VWA8: variants seen among roughly 807,000 people sequenced by gnomAD.
The protein encoded by VWA8 is von Willebrand factor A domain-containing protein 8.
In VWA8, 221 loss-of-function variants were observed where a neutral mutation model predicts 241.5. The ratio of observed to expected loss-of-function variants is 0.91; its 90% CI spans 0.82 to 1.02. The LOEUF (loss-of-function observed/expected upper bound fraction) is 1.02, where lower values mean the gene tolerates loss of function less well. VWA8 is among the 50% of genes least tolerant of loss of function. The pLI, the probability that VWA8 is intolerant of heterozygous loss-of-function variation, is 0.00. For missense variants in VWA8, 2,322 were observed against 2,328.7 expected, an observed-to-expected ratio of 1.00 and a Z score of 0.06; for synonymous variants, 852 against 827.1, an observed-to-expected ratio of 1.03 and a Z score of -0.52.
intron 26 of VWA8, among the ~76,000 whole-genome samples, chr13:41,709,966 G>A (rs1423046003): frequency 1.3e-5 from 2 of 151,896 alleles, no homozygotes; most frequent in Admixed American, 1.3e-4. Context: ...TCTTTCACTT[G>A]ACAGCTTTCC....
intron 42 of VWA8, 87 bp from the exon 43 acceptor site, chr13:41,575,925 T>A: frequency 3.0e-6 from 3 of 991,462 alleles, no homozygotes; most frequent in Non-Finnish European, 4.6e-6. Context: ...TTTGGACCAT[T>A]ATTGTCCAAA....
chr13:41,881,372 C>CCG lies in VWA8; in HGVS notation c.1080+2014_1080+2015insCG, dbSNP rs1491423444. ...CTAGAACATCATAGTTTTTTTTTGC[C>CCG]GGGGGGGGGGGGGGGGGGGTAAGGT... is the stretch of plus-strand genomic sequence containing the variant. On this transcript the variant is annotated intron_variant, in intron 9 of 44. Transcript: ENST00000379310. Among the ~76,000 whole-genome samples, 34 of 8,296 alleles carry CCG rather than the reference C, an allele frequency of 4.1e-3. 12 individuals carry two copies. The highest frequency in any genetic ancestry group is 0.018 in the South Asian group (3 of 164). 5.4% of individuals were successfully genotyped at this position (8,296 alleles called of 152,430 possible).
At chr13:41,932,813 AC>A (rs142070565) in intron 2 of VWA8, among the ~76,000 whole-genome samples, 2,907 of 152,062 alleles carry the variant, frequency 0.019, 87 homozygotes, top group African/African-American at 0.06. Flanking sequence ...ATAGAAAAAA[AC>A]GTCCTTAACT....
intron 37 of VWA8, among the ~76,000 whole-genome samples, chr13:41,619,402 A>G (rs537036318): frequency 7.4e-4 from 113 of 152,362 alleles, no homozygotes; most frequent in Middle Eastern, 3.4e-3. Context: ...ATGTACAATC[A>G]TGTCATCTGC....
intron 12 of VWA8, chr13:41,865,160 G>A: frequency 4.9e-6 from 1 of 204,500 alleles, no homozygotes; most frequent in Non-Finnish European, 1.0e-5. Flanking sequence ...GTGGGGACAT[G>A]CACATAAAAT....
intron 43 of VWA8, among the ~76,000 whole-genome samples, chr13:41,575,323 C>T (rs188350391): frequency 1.3e-5 from 2 of 151,590 alleles, no homozygotes; most frequent in East Asian, 2.0e-4. Flanking sequence ...GTATACTGCT[C>T]GGGTGATGGG....
intron 36 of VWA8, among the ~76,000 whole-genome samples, chr13:41,672,390 T>G (rs773894033): frequency 1.3e-5 from 2 of 152,198 alleles, no homozygotes; most frequent in Non-Finnish European, 2.9e-5. Flanking sequence ...AGTATAGCTC[T>G]TATTATACAA....
At chr13:41,873,409 A>AG (rs1228230691) in intron 9 of VWA8, among the ~76,000 whole-genome samples, 1 of 152,202 alleles carries the variant, frequency 6.6e-6, no homozygotes, top group Non-Finnish European at 1.5e-5. Context: ...GTTTTTTGAA[A>AG]GGATCAACAA....
chr13:41,731,467 G>T (rs368667413), intron 22 of VWA8, among the ~76,000 whole-genome samples: 1 of 152,062 alleles, frequency 6.6e-6, no homozygotes, highest in South Asian at 2.1e-4. Context: ...ATCTGGAATA[G>T]AAATCAATAG....
chr13:41,625,849 T>C (rs2044686598), intron 37 of VWA8, among the ~76,000 whole-genome samples: 1 of 151,630 alleles, frequency 6.6e-6, no homozygotes, highest in Non-Finnish European at 1.5e-5. Context: ...CCAACAATGA[T>C]AGACTGGATT....
chr13:41,870,966 AG>A (rs1333684920), intron 9 of VWA8, among the ~76,000 whole-genome samples: 1 of 152,210 alleles, frequency 6.6e-6, no homozygotes, highest in Admixed American at 6.5e-5. Context: ...ATTGTTACTC[AG>A]AAAGGTATTA....
At chr13:41,614,931 G>A in intron 38 of VWA8, 45 bp downstream of exon 38, 4 of 1,602,314 alleles carry the variant, frequency 2.5e-6, no homozygotes, top group Non-Finnish European at 3.4e-6. Context: ...ATGGGCTTGG[G>A]AAACCTGGGG....
intron 43 of VWA8, 81 bp downstream of exon 43, chr13:41,575,659 C>T: frequency 1.0e-6 from 1 of 996,250 alleles, no homozygotes. Flanking sequence ...TGTGTATCTG[C>T]TGCTGCTTCA....
chr13:41,718,330 T>G (rs1001017538), intron 26 of VWA8, among the ~76,000 whole-genome samples: 1 of 151,940 alleles, frequency 6.6e-6, no homozygotes, highest in Admixed American at 6.6e-5. Context: ...GAGGATCTCT[T>G]GAACTCTCTT....
At chr13:41,583,368 G>A (rs2044395698) in intron 42 of VWA8, among the ~76,000 whole-genome samples, 1 of 152,168 alleles carries the variant, frequency 6.6e-6, no homozygotes, top group African/African-American at 2.4e-5. Context: ...CTAGGGCCAG[G>A]TGCGGTGGCT....
chr13:41,741,413 C>T (rs1400241677), intron 21 of VWA8, among the ~76,000 whole-genome samples: 1 of 152,194 alleles, frequency 6.6e-6, no homozygotes, highest in Non-Finnish European at 1.5e-5. Context: ...ATGGTTATGG[C>T]CCATTCCTTA....
chr13:41,766,404 G>A (rs1050200589), intron 20 of VWA8, among the ~76,000 whole-genome samples: 1 of 152,136 alleles, frequency 6.6e-6, no homozygotes, highest in African/African-American at 2.4e-5. Flanking sequence ...TCTAGGAATG[G>A]GATTTGGACT....
At chr13:41,589,114 C>A (rs1593634602) in intron 41 of VWA8, among the ~76,000 whole-genome samples, 1 of 152,200 alleles carries the variant, frequency 6.6e-6, no homozygotes, top group East Asian at 1.9e-4. Flanking sequence ...CACTGCACCC[C>A]CAGCTCTCAG....
At chr13:41,750,303 C>G (rs374863249) in intron 21 of VWA8, among the ~76,000 whole-genome samples, 1 of 151,738 alleles carries the variant, frequency 6.6e-6, no homozygotes, top group Non-Finnish European at 1.5e-5. Flanking sequence ...CACAGTGGTG[C>G]GTGCCTGTAG....
Sources: allele counts gnomAD v4.1 joint callset (sites outside exome capture counted in the v4.1 genomes callset), GRCh38; gene constraint gnomAD v4.1.1; transcripts MANE v1.5; gene names NCBI Gene and HGNC (gene_info 2026-07-23, HGNC 2026-07-21).